The following CRK variants were observed in gnomAD, a reference collection of about 807,000 sequenced individuals.
The protein encoded by CRK is adapter molecule crk.
Under a neutral mutation model 29.8 loss-of-function variants are expected in CRK, and 4 were observed. The observed-to-expected ratio is 0.13, with a 90% CI of 0.07 to 0.31. The LOEUF (loss-of-function observed/expected upper bound fraction) is 0.31, where lower values mean the gene tolerates loss of function less well. CRK is among the 10% of genes least tolerant of loss of function. The probability of loss-of-function intolerance (pLI) is 1.00; values close to 1 mark genes in which losing one functional copy is unlikely to be tolerated. For synonymous variants in CRK, 153 were observed against 164.9 expected, an observed-to-expected ratio of 0.93 and a Z score of 0.55; for missense variants, 274 against 396.5, an observed-to-expected ratio of 0.69 and a Z score of 2.62.
At chr17:1,426,119 G>A (rs927858020) in intron 2 of CRK, 1 of 152,214 alleles carries the variant, frequency 6.6e-6, no homozygotes, top group African/African-American at 2.4e-5. Context: ...GAGGTAGGAG[G>A]TCACCTGAGC....
chr17:1,454,180 C>G (rs1230353855), intron 1 of CRK, among the ~76,000 whole-genome samples: 1 of 148,206 alleles, frequency 6.7e-6, no homozygotes, highest in African/African-American at 2.5e-5. Flanking sequence ...CCAGCCTGGG[C>G]GACAGAGAGA....
chr17:1,423,046 C>A lies in CRK; in HGVS notation c.*467G>T, dbSNP rs145797873. On this transcript the variant is annotated 3_prime_UTR_variant, in exon 3 of 3. Coordinates refer to ENST00000300574, the MANE Select transcript of CRK (RefSeq NM_016823.4). ...CTGGTCATGCTCCATACAATGAAAG[C>A]AATCCTGCTTGATACTATTCACACG... 268 of 400,444 alleles carry A rather than the reference C, an allele frequency of 6.7e-4. 1 individual carries two copies. In the East Asian group the frequency reaches 7.3e-3, roughly 11 times the overall value. 24.8% of individuals were successfully genotyped at this position (400,444 alleles called of 1,614,324 possible).
chr17:1,430,197 C>T (rs1367186969), intron 2 of CRK, among the ~76,000 whole-genome samples: 1 of 148,088 alleles, frequency 6.8e-6, no homozygotes, highest in Non-Finnish European at 1.5e-5. Context: ...GGCGTGTGCC[C>T]CCACGCCTGG....
chr17:1,430,924 C>T (rs1005626711), intron 2 of CRK, among the ~76,000 whole-genome samples: 5 of 151,392 alleles, frequency 3.3e-5, no homozygotes, highest in South Asian at 2.1e-4. Flanking sequence ...AAAAATTAAC[C>T]GGGCGTGGTA....
At chr17:1,454,112 G>T (rs973978537) in intron 1 of CRK, among the ~76,000 whole-genome samples, 1 of 151,696 alleles carries the variant, frequency 6.6e-6, no homozygotes, top group Non-Finnish European at 1.5e-5. Flanking sequence ...GGCTGAGGCA[G>T]AATCACTTGA....
In CRK at chr17:1,423,534, A is replaced by T. The variant is rs2073747968; in HGVS notation, c.894T>A (p.Asn298Lys). 4 of 1,613,742 alleles carry T rather than the reference A, an allele frequency of 2.5e-6. No homozygotes were observed. Among genetic ancestry groups the T allele is most frequent in the Non-Finnish European group, 3.4e-6 (4 of 1,179,988 alleles). ...ATACTCAGCTGAAGTCCTCATCGGGATTCTGTTGATCCAGCAGACGGACAT... is the reference window on the plus strand; with the variant it reads ...ATACTCAGCTGAAGTCCTCATCGGGTTTCTGTTGATCCAGCAGACGGACAT... The part of the protein sequence containing the change: ...FTHVRLLDQQ[N>K]PDEDFS Residue 298 changes from asparagine (N) to lysine (K), a missense_variant, in exon 3 of 3, where the codon AAT (asparagine) becomes AAA (lysine). Physicochemically the swap from Asn to Lys is moderately conservative, Grantham distance 94 (BLOSUM62 0). Coordinates refer to ENST00000300574, the MANE Select transcript of CRK (RefSeq NM_016823.4).
At chr17:1,450,367 C>G (rs1325958096) in intron 1 of CRK, among the ~76,000 whole-genome samples, 1 of 152,010 alleles carries the variant, frequency 6.6e-6, no homozygotes, top group Non-Finnish European at 1.5e-5. Flanking sequence ...ATTAGCCGGG[C>G]ATAGTGGCGG....
chr17:1,432,406 T>G (rs1383831363), intron 2 of CRK, among the ~76,000 whole-genome samples: 2 of 142,232 alleles, frequency 1.4e-5, no homozygotes, highest in Non-Finnish European at 3.0e-5. Context: ...CGAGAATCAC[T>G]TGAACCCAGG....
chr17:1,441,855 G>A lies in CRK; in HGVS notation c.242-4700C>T, dbSNP rs368131657. 1.1e-4 allele frequency among the ~76,000 whole-genome samples: 17 copies of A among 148,388 alleles called. No individual in the cohort carries two copies. In the South Asian group the frequency reaches 3.2e-3, roughly 28 times the overall value. On this transcript the variant is annotated intron_variant, in intron 1 of 2. Coordinates refer to ENST00000300574, the MANE Select transcript of CRK (RefSeq NM_016823.4). ...TGTCTTGCTTTACTGCCCAGGCTGC[G>A]GTTTTGTTTTTGTTTTCTGAGATAG...
chr17:1,446,885 G>A (rs1204795255), intron 1 of CRK, among the ~76,000 whole-genome samples: 2 of 152,102 alleles, frequency 1.3e-5, no homozygotes, highest in Non-Finnish European at 2.9e-5. Context: ...GAGCCACCAC[G>A]CCCGGCCGTG....
intron 2 of CRK, among the ~76,000 whole-genome samples, chr17:1,435,535 G>A (rs563601561): frequency 5.7e-4 from 86 of 151,994 alleles, no homozygotes; most frequent in African/African-American, 1.9e-3. Context: ...AGATGTTACC[G>A]TCATCTGAAC....
In CRK at chr17:1,453,903, C is replaced by T. The variant is rs143285550; in HGVS notation, c.241+1974G>A. ...AGCCTGGGCAACAAAAGCGAAACTC[C>T]GCCTCAAACAAACAAAGCTGGGTGC... On this transcript the variant is annotated intron_variant, in intron 1 of 2. Coordinates refer to ENST00000300574, the MANE Select transcript of CRK (RefSeq NM_016823.4). Among the ~76,000 whole-genome samples the T allele has an allele frequency of 9.0e-3, 1,340 of 149,554 alleles. 21 individuals are homozygous for T. Among genetic ancestry groups the T allele is most frequent in the African/African-American group, 0.032 (1,280 of 40,452 alleles).
rs963680821 is a variant in CRK at position 1,423,280 on chromosome 17, C to T, written c.*233G>A. 1.5e-5 allele frequency: 9 copies of T among 582,202 alleles called. No homozygotes were observed. In the African/African-American group the frequency reaches 1.7e-4, roughly 11 times the overall value. The allele number at this position is 582,202 out of a possible 1,614,324, so 36.1% of individuals were successfully genotyped here. A position where few individuals can be genotyped will look rare whatever the true frequency, so the allele number is the denominator to read the frequency against. ...CTTCTGATACACACAGGCACGACCA[C>T]TACCGCCTCCAATTGCCAATTCAGA... On this transcript the variant is annotated 3_prime_UTR_variant, in exon 3 of 3. Transcript: ENST00000300574.
chr17:1,450,454 C>G (rs926936924), intron 1 of CRK, among the ~76,000 whole-genome samples: 3 of 152,016 alleles, frequency 2.0e-5, no homozygotes, highest in African/African-American at 7.2e-5. Flanking sequence ...TTTCAGTGAG[C>G]CGAGATCGCG....
intron 2 of CRK, among the ~76,000 whole-genome samples, chr17:1,428,521 CTTTTTTTT>C (rs754259440): frequency 4.5e-5 from 5 of 111,198 alleles, no homozygotes; most frequent in African/African-American, 1.8e-4. Context: ...CATATCAGAT[CTTTTTTTT>C]TTTTTTTTTT....
chr17:1,442,134 G>A (rs1052567267), intron 1 of CRK, among the ~76,000 whole-genome samples: 2 of 148,888 alleles, frequency 1.3e-5, no homozygotes, highest in African/African-American at 2.5e-5. Context: ...TGGGTTTAGA[G>A]GTGTGAGCCA....
chr17:1,440,882 C>G (rs1159015805), intron 1 of CRK, among the ~76,000 whole-genome samples: 1 of 152,188 alleles, frequency 6.6e-6, no homozygotes, highest in African/African-American at 2.4e-5. Context: ...CCAGCCTGGG[C>G]AAAAGAGAGA....
At chr17:1,445,895 G>A (rs1424743387) in intron 1 of CRK, among the ~76,000 whole-genome samples, 1 of 152,200 alleles carries the variant, frequency 6.6e-6, no homozygotes, top group African/African-American at 2.4e-5. Flanking sequence ...TTTTGGGACA[G>A]TGGTTGGCAG....
chr17:1,426,905 G>A (rs930746202), intron 2 of CRK, among the ~76,000 whole-genome samples: 10 of 151,122 alleles, frequency 6.6e-5, no homozygotes, highest in East Asian at 1.9e-4. Context: ...AGTAGTGTGC[G>A]CCTGTGGTCC....
Sources: allele counts gnomAD v4.1 joint callset (sites outside exome capture counted in the v4.1 genomes callset), GRCh38; gene constraint gnomAD v4.1.1; transcripts MANE v1.5; gene names NCBI Gene and HGNC (gene_info 2026-07-23, HGNC 2026-07-21).